Variants in ZSWIM6 observed in about 807,000 individuals in gnomAD.
ZSWIM6 encodes the protein zinc finger SWIM-type containing 6, also known as zinc finger SWIM domain-containing protein 6.
A neutral mutation model predicts 113.2 loss-of-function variants in ZSWIM6; 9 were observed. That is an observed-to-expected ratio of 0.08 (90% CI 0.05 to 0.14). ZSWIM6 has a LOEUF of 0.14. ZSWIM6 is among the 10% of genes least tolerant of loss of function. The pLI is 1.00. For synonymous variants in ZSWIM6, 611 were observed against 606.5 expected, an observed-to-expected ratio of 1.01 and a Z score of -0.11; for missense variants, 1,162 against 1,552.2, an observed-to-expected ratio of 0.75 and a Z score of 4.22.
At chr5:61,366,076 A>G (rs528537847) in intron 1 of ZSWIM6, among the ~76,000 whole-genome samples, 59 of 152,078 alleles carry the variant, frequency 3.9e-4, no homozygotes, top group Non-Finnish European at 6.6e-4. Flanking sequence ...TGTATTTTTA[A>G]TGGAGAGTGG....
At chr5:61,340,630 G>A (rs1256969269) in intron 1 of ZSWIM6, among the ~76,000 whole-genome samples, 1 of 152,112 alleles carries the variant, frequency 6.6e-6, no homozygotes, top group Non-Finnish European at 1.5e-5. Flanking sequence ...GAAAACTGAG[G>A]CCCAAACTCG....
chr5:61,494,238 A>G (rs537085456), intron 3 of ZSWIM6, 22 bp from the exon 4 acceptor site: 10 of 1,545,106 alleles, frequency 6.5e-6, no homozygotes, highest in South Asian at 2.4e-5. Flanking sequence ...CAATTTTCTA[A>G]AGGTCTGTTT....
At chr5:61,351,421 G>A (rs1366804201) in intron 1 of ZSWIM6, among the ~76,000 whole-genome samples, 3 of 152,146 alleles carry the variant, frequency 2.0e-5, no homozygotes. Context: ...TTAGATTTAT[G>A]TTTGTGAATT....
rs1303072815 is a variant in ZSWIM6, at chr5:61,472,736, T to C, written c.732T>C (p.Thr244=). The stretch of plus-strand genomic sequence containing the variant: ...CTGCAATACAATCGGAGCCAGAAAC[T>C]GTTTGCAACGTGGCCATCAGCTTTG... ...TEPAIQSEPE[T]VCNVAISFDR... The change falls in exon 2 of 14, where the codon ACT becomes ACC. Residue 244 remains threonine (T), a synonymous_variant. Transcript: ENST00000252744. The surrounding 1 kb of genome is among the most constrained non-coding windows in gnomAD (Gnocchi z 4.1). The C allele has an allele frequency of 3.2e-6, 5 of 1,550,664 alleles. No individual in the cohort carries two copies. Among genetic ancestry groups the C allele is most frequent in the Non-Finnish European group, 1.7e-6 (2 of 1,146,324 alleles).
chr5:61,415,461 A>G (rs947777761), intron 1 of ZSWIM6, among the ~76,000 whole-genome samples: 6 of 152,028 alleles, frequency 3.9e-5, no homozygotes, highest in Non-Finnish European at 7.4e-5. Flanking sequence ...GCGTGGTGGC[A>G]CGTGCCTGTA....
intron 1 of ZSWIM6, among the ~76,000 whole-genome samples, chr5:61,346,858 A>G (rs1438729290): frequency 1.3e-5 from 2 of 152,230 alleles, no homozygotes; most frequent in Non-Finnish European, 2.9e-5. Context: ...AATAATGACT[A>G]CTACTGTGGG....
Position 61,544,578 on chromosome 5 carries a change from A to G in ZSWIM6, c.*261A>G, listed in dbSNP as rs530100961. On this transcript the variant is annotated 3_prime_UTR_variant, in exon 14 of 14. Coordinates refer to ENST00000252744, the MANE Select transcript of ZSWIM6 (RefSeq NM_020928.2). ...GGTTTTGTATGAGAGAGAGGTTAAA[A>G]AGGTTTGGTTTACACTGAGTATATG... is the stretch of plus-strand genomic sequence containing the variant. 1.2e-4 allele frequency: 22 copies of G among 187,248 alleles called. No homozygotes were observed. Among genetic ancestry groups the G allele is most frequent in the African/African-American group, 4.9e-4 (21 of 42,480 alleles). 11.6% of individuals were successfully genotyped at this position (187,248 alleles called of 1,614,324 possible).
At chr5:61,523,820 T>G (rs1235450104) in intron 5 of ZSWIM6, among the ~76,000 whole-genome samples, 1 of 152,250 alleles carries the variant, frequency 6.6e-6, no homozygotes, top group Non-Finnish European at 1.5e-5. Context: ...TTGTTGTCAT[T>G]GGTTTTATTA....
At chr5:61,499,062 T>G (rs1368970987) in intron 4 of ZSWIM6, among the ~76,000 whole-genome samples, 4 of 152,294 alleles carry the variant, frequency 2.6e-5, no homozygotes, top group East Asian at 3.9e-4. Flanking sequence ...AGCAACTGCT[T>G]CTTTTTGAGA....
chr5:61,542,571 G>A (rs1485343329), intron 13 of ZSWIM6, among the ~76,000 whole-genome samples: 1 of 152,132 alleles, frequency 6.6e-6, no homozygotes, highest in African/African-American at 2.4e-5. Context: ...ATCAGAAAGG[G>A]ATACATACTT....
chr5:61,432,368 G>C (rs902293061), intron 1 of ZSWIM6, among the ~76,000 whole-genome samples: 1 of 152,204 alleles, frequency 6.6e-6, no homozygotes, highest in African/African-American at 2.4e-5. Context: ...AGAGAAAGAA[G>C]ACCAAAAACA....
chr5:61,460,361 A>G (rs1747297944), intron 1 of ZSWIM6, among the ~76,000 whole-genome samples: 1 of 152,156 alleles, frequency 6.6e-6, no homozygotes, highest in African/African-American at 2.4e-5. Context: ...TTACTAGTAA[A>G]TAGAGCTCAT....
At chr5:61,515,402 T>C (rs536080822) in intron 4 of ZSWIM6, among the ~76,000 whole-genome samples, 2 of 152,282 alleles carry the variant, frequency 1.3e-5, no homozygotes, top group South Asian at 4.1e-4. Flanking sequence ...CCCAAAGTGC[T>C]GGGATTACAG....
At chr5:61,442,539 C>T (rs1192898700) in intron 1 of ZSWIM6, among the ~76,000 whole-genome samples, 1 of 152,160 alleles carries the variant, frequency 6.6e-6, no homozygotes, top group South Asian at 2.1e-4. Context: ...CACAGCAGGA[C>T]CAACCTACCT....
At chr5:61,499,475 C>T (rs1303095695) in intron 4 of ZSWIM6, among the ~76,000 whole-genome samples, 4 of 152,058 alleles carry the variant, frequency 2.6e-5, no homozygotes, top group African/African-American at 9.7e-5. Flanking sequence ...AGAGATGAAA[C>T]ATTAGGAGAT....
At chr5:61,435,816 A>T (rs1746693581) in intron 1 of ZSWIM6, among the ~76,000 whole-genome samples, 1 of 152,110 alleles carries the variant, frequency 6.6e-6, no homozygotes, top group South Asian at 2.1e-4. Flanking sequence ...TTGAAATCTG[A>T]TTTAAGGTGG....
chr5:61,523,280 A>C (rs1749182576), intron 5 of ZSWIM6, among the ~76,000 whole-genome samples: 5 of 152,208 alleles, frequency 3.3e-5, no homozygotes, highest in Admixed American at 3.3e-4. Context: ...GAGTGTGCAC[A>C]CAGTATAGGC....
Position 61,526,284 on chromosome 5 carries a change from A to G in ZSWIM6, c.1725A>G (p.Ala575=), listed in dbSNP as rs1003063211. The G allele has an allele frequency of 1.3e-6, 2 of 1,551,930 alleles. No homozygotes were observed. The highest frequency in any genetic ancestry group is 2.0e-5 in the Admixed American group (1 of 51,000). ...HVPTACARVD[A]LRSHGYPREA... Reference sequence around the variant, plus strand: ...CTACAGCCTGTGCAAGAGTGGACGCATTACGTTCTCATGGGTACCCCAGAG... The same window carrying G: ...CTACAGCCTGTGCAAGAGTGGACGCGTTACGTTCTCATGGGTACCCCAGAG... The change falls in exon 7 of 14, where the codon GCA becomes GCG. Residue 575 remains alanine (A), a synonymous_variant. Coordinates refer to ENST00000252744, the MANE Select transcript of ZSWIM6 (RefSeq NM_020928.2).
intron 1 of ZSWIM6, among the ~76,000 whole-genome samples, chr5:61,341,031 A>G (rs1192541923): frequency 6.6e-6 from 1 of 152,382 alleles, no homozygotes; most frequent in African/African-American, 2.4e-5. Context: ...TTGTGTCACT[A>G]TGTCATTGAT....
Sources: gnomAD v4.1 joint callset for allele counts (sites outside exome capture counted in the v4.1 genomes callset) on GRCh38, gnomAD v4.1.1 for gene constraint, Gnocchi (gnomAD v3.1) non-coding constraint, MANE v1.5 for transcripts, NCBI Gene and HGNC (gene_info 2026-07-23, HGNC 2026-07-21) for gene names.